The following TRAPPC8 variants were observed in gnomAD, a reference collection of about 807,000 sequenced individuals.
The protein encoded by TRAPPC8 is general sporulation gene 1 homolog.
In TRAPPC8, 54 loss-of-function variants were observed where a neutral mutation model predicts 174.3. The ratio of observed to expected loss-of-function variants is 0.31; its 90% CI spans 0.25 to 0.39. TRAPPC8 has a LOEUF of 0.39. Among genes scored for constraint, TRAPPC8 ranks in the 10% least tolerant of loss-of-function variants. The pLI is 1.00. For missense variants in TRAPPC8, 1,531 were observed against 1,699.1 expected (o/e 0.90, Z 1.74); for synonymous variants, 630 against 579.9 (o/e 1.09, Z -1.24).
chr18:31,900,894 GATACAATATAAA>G lies in TRAPPC8; in HGVS notation c.1490+19_1490+30del. 1 of 1,458,508 alleles carries G rather than the reference GATACAATATAAA, an allele frequency of 6.9e-7. No individual in the cohort carries two copies. Among genetic ancestry groups the G allele is most frequent in the Non-Finnish European group, 9.3e-7 (1 of 1,078,720 alleles). 90.3% of individuals were successfully genotyped at this position (1,458,508 alleles called of 1,614,324 possible). ...AAAAGAACAAACTGACCTTTAACTG[GATACAATATAAA>G]TCTTATATAGTCACCTACTTGCAGA... On this transcript the variant is annotated intron_variant, in intron 10 of 28. Transcript: ENST00000283351.
intron 27 of TRAPPC8, among the ~76,000 whole-genome samples, chr18:31,836,283 C>A (rs2032714998): frequency 6.6e-6 from 1 of 152,140 alleles, no homozygotes; most frequent in African/African-American, 2.4e-5. Flanking sequence ...CTTGAACCTG[C>A]CTTGTTTTCA....
intron 11 of TRAPPC8, among the ~76,000 whole-genome samples, chr18:31,894,244 T>C (rs1213326509): frequency 6.6e-6 from 1 of 152,312 alleles, no homozygotes; most frequent in Non-Finnish European, 1.5e-5. Flanking sequence ...TGACTCTTAC[T>C]GTGACACCCA....
chr18:31,870,285 TCACTGAA>T (rs2145192935), intron 16 of TRAPPC8, 80 bp downstream of exon 16: 2 of 1,223,574 alleles, frequency 1.6e-6, no homozygotes, highest in Non-Finnish European at 2.2e-6. Flanking sequence ...GAAGTATAGC[TCACTGAA>T]CAGAGTACAT....
intron 12 of TRAPPC8, among the ~76,000 whole-genome samples, chr18:31,888,376 A>C (rs961672252): frequency 2.1e-4 from 32 of 152,190 alleles, no homozygotes; most frequent in African/African-American, 7.2e-4. Context: ...TCTACTAAAA[A>C]TACAGTATTA....
At chr18:31,924,185 T>A (rs1208632920) in intron 2 of TRAPPC8, among the ~76,000 whole-genome samples, 1 of 151,832 alleles carries the variant, frequency 6.6e-6, no homozygotes, top group African/African-American at 2.4e-5. Context: ...CTTGGGAGGC[T>A]GAGGCAGGAG....
At chr18:31,927,725 T>C (rs2037677916) in intron 2 of TRAPPC8, among the ~76,000 whole-genome samples, 1 of 152,098 alleles carries the variant, frequency 6.6e-6, no homozygotes, top group South Asian at 2.1e-4. Flanking sequence ...AAGTAACAGG[T>C]ATATGGGCTT....
At chr18:31,836,779 T>G (rs2032754128) in intron 27 of TRAPPC8, among the ~76,000 whole-genome samples, 1 of 105,822 alleles carries the variant, frequency 9.4e-6, no homozygotes, top group African/African-American at 3.9e-5. Context: ...TTTTTTTTTT[T>G]GAGACAGAGT....
chr18:31,867,601 A>ACC, intron 16 of TRAPPC8, 125 bp from the exon 17 acceptor site: 4 of 634,294 alleles, frequency 6.3e-6, no homozygotes, highest in Admixed American at 3.0e-5. Flanking sequence ...GGTTTTTACC[A>ACC]CATGCTGAGC....
chr18:31,911,756 CAAAAAAAA>C (rs71177805), intron 5 of TRAPPC8, among the ~76,000 whole-genome samples: 17 of 62,974 alleles, frequency 2.7e-4, no homozygotes, highest in Admixed American at 7.1e-4. Context: ...GACTCCGTCT[CAAAAAAAA>C]AAAAAAAAAA....
At chr18:31,881,363 C>G (rs977049846) in intron 12 of TRAPPC8, among the ~76,000 whole-genome samples, 3 of 152,096 alleles carry the variant, frequency 2.0e-5, no homozygotes, top group African/African-American at 7.2e-5. Context: ...AGATCTTTAA[C>G]AAAGTCTACA....
chr18:31,938,973 G>A (rs1398724147), intron 1 of TRAPPC8, among the ~76,000 whole-genome samples: 2 of 151,818 alleles, frequency 1.3e-5, no homozygotes, highest in Non-Finnish European at 2.9e-5. Context: ...CCAGCTACTC[G>A]GGAGGCTGAG....
intron 6 of TRAPPC8, 122 bp downstream of exon 6, chr18:31,909,545 T>C: frequency 7.1e-7 from 1 of 1,411,848 alleles, no homozygotes; most frequent in Non-Finnish European, 9.2e-7. Flanking sequence ...AAAACTAACC[T>C]GCCCAATATC....
At chr18:31,855,358 T>C (rs937074304) in intron 21 of TRAPPC8, among the ~76,000 whole-genome samples, 3 of 152,178 alleles carry the variant, frequency 2.0e-5, no homozygotes, top group South Asian at 2.1e-4. Flanking sequence ...GTAACACCAA[T>C]GGATCTCAAT....
At chr18:31,933,022 C>G (rs1386238083) in intron 1 of TRAPPC8, among the ~76,000 whole-genome samples, 2 of 106,168 alleles carry the variant, frequency 1.9e-5, no homozygotes, top group South Asian at 3.0e-4. Flanking sequence ...AAAAAAAAAG[C>G]CGGGCGCAGT....
intron 12 of TRAPPC8, chr18:31,883,352 T>C (rs1208922360): frequency 6.6e-6 from 1 of 151,560 alleles, no homozygotes; most frequent in Non-Finnish European, 1.5e-5. Context: ...ACTATAAAAG[T>C]ACACCCTGTA....
chr18:31,890,927 T>A (rs575823859), intron 11 of TRAPPC8, 61 bp from the exon 12 acceptor site: 69 of 1,491,746 alleles, frequency 4.6e-5, no homozygotes, highest in Non-Finnish European at 6.0e-5. Context: ...AATAGATAAC[T>A]AGTGAAAAAA....
Position 31,942,744 on chromosome 18 carries a change from T to G in TRAPPC8, c.21A>C (p.Ser7=). Residue 7 remains serine (S), a synonymous_variant, in exon 1 of 29, where the codon TCA becomes TCC. Transcript: ENST00000283351. MAQCVQ[S]VQELIPDSFV... is the part of the protein sequence containing the mutation. Reference sequence around the variant, plus strand: ...AGGAGTCCGGGATTAGCTCCTGCACTGATTGTACACACTGGGCCATCGCCG... The same window carrying G: ...AGGAGTCCGGGATTAGCTCCTGCACGGATTGTACACACTGGGCCATCGCCG... 2 of 1,577,858 alleles carry G rather than the reference T, an allele frequency of 1.3e-6. No homozygotes were observed. The highest frequency in any genetic ancestry group is 1.7e-6 in the Non-Finnish European group (2 of 1,162,418).
At chr18:31,888,426 G>A (rs934314472) in intron 12 of TRAPPC8, among the ~76,000 whole-genome samples, 5 of 152,112 alleles carry the variant, frequency 3.3e-5, no homozygotes, top group African/African-American at 7.2e-5. Context: ...CCAGCTACTC[G>A]GGAGGCTGAG....
intron 11 of TRAPPC8, among the ~76,000 whole-genome samples, chr18:31,894,271 G>A (rs2036093738): frequency 6.6e-6 from 1 of 152,156 alleles, no homozygotes; most frequent in African/African-American, 2.4e-5. Context: ...TAAAAACATT[G>A]TTTTGAGAGG....
Sources: allele counts gnomAD v4.1 joint callset (sites outside exome capture counted in the v4.1 genomes callset), GRCh38; gene constraint gnomAD v4.1.1; transcripts MANE v1.5; gene names NCBI Gene and HGNC (gene_info 2026-07-23, HGNC 2026-07-21).